The following CUL5 variants were observed in gnomAD, a reference collection of about 807,000 sequenced individuals.
CUL5 encodes the protein cullin-5.
In CUL5, 26 loss-of-function variants were observed where a neutral mutation model predicts 108.8. That is an observed-to-expected ratio of 0.24 (90% confidence interval 0.18 to 0.33). The LOEUF is 0.33. Ranked by LOEUF, CUL5 falls within the 10% of genes least tolerant of loss-of-function variation. The pLI is 1.00. For missense variants in CUL5, 524 were observed against 909.2 expected (o/e 0.58, Z 5.45); for synonymous variants, 334 against 298.0 (o/e 1.12, Z -1.25).
chr11:108,093,090 A>G (rs966609119), intron 13 of CUL5, among the ~76,000 whole-genome samples: 20 of 152,216 alleles, frequency 1.3e-4, no homozygotes, highest in African/African-American at 3.9e-4. Context: ...TGCTGGGATT[A>G]CAGGCATGAG....
Position 108,009,251 on chromosome 11 carries a change from G to T in CUL5, c.-98G>T. 7.3e-7 allele frequency: 1 copy of T among 1,366,908 alleles called. No individual in the cohort carries two copies. The highest frequency in any genetic ancestry group is 1.2e-5 in the South Asian group (1 of 83,386). The allele number at this position is 1,366,908 out of a possible 1,614,324, so 84.7% of individuals were successfully genotyped here. On this transcript the variant is annotated 5_prime_UTR_variant, in exon 1 of 19. Coordinates refer to ENST00000393094, the MANE Select transcript of CUL5 (RefSeq NM_003478.6). The stretch of plus-strand genomic sequence containing the variant: ...CACCACACCCTGGTGCGGGCCGACG[G>T]GCCCTGGGCCCTGGTGGGAGCTCCG...
chr11:108,054,481 T>C lies in CUL5; in HGVS notation c.554-166T>C, dbSNP rs187926088. ...GTTACTTTACTGCTTTATGCTGTTATCTTTATAAGTTTCTTATGGAGAAGG... is the reference window on the plus strand; with the variant it reads ...GTTACTTTACTGCTTTATGCTGTTACCTTTATAAGTTTCTTATGGAGAAGG... On this transcript the variant is annotated intron_variant, in intron 5 of 18. Transcript: ENST00000393094. Among the ~76,000 whole-genome samples the C allele has an allele frequency of 1.2e-4, 19 of 152,384 alleles. No individual in the cohort carries two copies. The East Asian group carries it at 3.5e-3, about 28-fold the overall frequency.
At chr11:108,016,978 G>A (rs1862208645) in intron 1 of CUL5, among the ~76,000 whole-genome samples, 1 of 152,070 alleles carries the variant, frequency 6.6e-6, no homozygotes, top group African/African-American at 2.4e-5. Context: ...ATAAAAATTA[G>A]AAAACATTGG....
chr11:108,009,017 G>A lies in CUL5; in HGVS notation c.-332G>A, dbSNP rs570379611. On this transcript the variant is annotated 5_prime_UTR_variant, in exon 1 of 19. Transcript: ENST00000393094. ...TGCAACCACAAAGGCTAATCCGAAG[G>A]AGTCGGGGAGGCTCGTGGAGTCGAT... 1.6e-4 allele frequency: 63 copies of A among 386,852 alleles called. No homozygotes were observed. The highest frequency in any genetic ancestry group is 1.1e-3 in the African/African-American group (54 of 48,052). The allele number at this position is 386,852 out of a possible 1,614,324, so 24.0% of individuals were successfully genotyped here.
intron 7 of CUL5, among the ~76,000 whole-genome samples, chr11:108,056,620 G>A (rs989823805): frequency 6.6e-6 from 1 of 152,126 alleles, no homozygotes; most frequent in Non-Finnish European, 1.5e-5. Flanking sequence ...CGGGAAGGCT[G>A]TTGACTTTTT....
Position 108,098,439 on chromosome 11 carries a change from C to A in CUL5, c.2058C>A (p.Ile686=), listed in dbSNP as rs2135245457. The change falls in exon 18 of 19, where the codon ATC becomes ATA. Residue 686 remains isoleucine, a synonymous_variant. Transcript: ENST00000393094. ...CAAAGGTTCAGAAAAGGGGTAAAAT[C>A]AACTTGATTGGACGTTTGCAGCTCA... ...KNAKVQKRGK[I]NLIGRLQLTT... The A allele has an allele frequency of 6.2e-7, 1 of 1,605,630 alleles. No individual in the cohort carries two copies. The highest frequency in any genetic ancestry group is 8.5e-7 in the Non-Finnish European group (1 of 1,176,496).
At position 108,078,204 on chromosome 11, in the gene CUL5, C is replaced by A; in HGVS notation, c.1142C>A (p.Thr381Asn). Residue 381 changes from threonine to asparagine, a missense_variant, in exon 11 of 19, where the codon ACC (threonine) becomes AAC (asparagine). Physicochemically the swap from Thr to Asn is moderately conservative, Grantham distance 65. Transcript: ENST00000393094. ...KAYKAVVNDA[T>N]IFKLELPLKQ... ...TATAAAGCAGTTGTTAATGATGCTA[C>A]CATATTTAAACTTGAATTACCTTTG... is the stretch of plus-strand genomic sequence containing the variant. 1 of 1,570,794 alleles carries A rather than the reference C, an allele frequency of 6.4e-7. No homozygotes were observed. The highest frequency in any genetic ancestry group is 8.7e-7 in the Non-Finnish European group (1 of 1,155,398).
chr11:108,078,093 T>C (rs1863985935), intron 10 of CUL5, 83 bp from the exon 11 acceptor site: 2 of 766,552 alleles, frequency 2.6e-6, no homozygotes, highest in Non-Finnish European at 4.1e-6. Flanking sequence ...AACTAACATA[T>C]TTTTATGTGT....
At chr11:108,030,352 C>T (rs932664285) in intron 1 of CUL5, among the ~76,000 whole-genome samples, 2 of 152,170 alleles carry the variant, frequency 1.3e-5, no homozygotes, top group Non-Finnish European at 2.9e-5. Context: ...GATAAGAATA[C>T]AGTGGCTGGG....
Position 108,075,926 on chromosome 11 carries a change from A to G in CUL5, c.1114-2250A>G, listed in dbSNP as rs142654572. ...GAAATAAAGATATCCACCATCTGAC[A>G]TAGTTACTCATTTTCTTGTTTTGTT... On this transcript the variant is annotated intron_variant, in intron 10 of 18. Coordinates refer to ENST00000393094, the MANE Select transcript of CUL5 (RefSeq NM_003478.6). 4.9e-4 allele frequency among the ~76,000 whole-genome samples: 74 copies of G among 152,288 alleles called. No homozygotes were observed. The East Asian group carries it at 0.014, about 28-fold the overall frequency.
At chr11:108,065,582 T>A (rs922593933) in intron 7 of CUL5, among the ~76,000 whole-genome samples, 3 of 152,148 alleles carry the variant, frequency 2.0e-5, no homozygotes, top group African/African-American at 7.2e-5. Flanking sequence ...GAAAGGGTGG[T>A]GGTGAGTTCA....
At position 108,094,525 on chromosome 11, in the gene CUL5, A is replaced by G. The variant is rs1654945630; in HGVS notation, c.1567+11A>G. 1 of 1,289,644 alleles carries G rather than the reference A, an allele frequency of 7.8e-7. No homozygotes were observed. Among genetic ancestry groups the G allele is most frequent in the Non-Finnish European group, 1.1e-6 (1 of 931,386 alleles). The allele number at this position is 1,289,644 out of a possible 1,614,324, so 79.9% of individuals were successfully genotyped here. A position where few individuals can be genotyped will look rare whatever the true frequency, so the allele number is the denominator to read the frequency against. On this transcript the variant is annotated intron_variant, in intron 14 of 18. Transcript: ENST00000393094. ...AATTGGCATTACCAGGTATTATTTT[A>G]TAATTACATGTATATATTTTTTAAA...
At chr11:108,087,637 A>AT (rs1256926805) in intron 11 of CUL5, among the ~76,000 whole-genome samples, 3 of 152,084 alleles carry the variant, frequency 2.0e-5, no homozygotes, top group East Asian at 3.8e-4. Context: ...TGTCTCAGTT[A>AT]TTTTTTAAAA....
intron 10 of CUL5, among the ~76,000 whole-genome samples, chr11:108,075,104 A>G (rs530856354): frequency 6.6e-6 from 1 of 152,332 alleles, no homozygotes; most frequent in African/African-American, 2.4e-5. Context: ...AAAGAATACC[A>G]GTTAAGAACT....
intron 1 of CUL5, among the ~76,000 whole-genome samples, chr11:108,012,428 T>C (rs1244792358): frequency 6.6e-6 from 1 of 151,954 alleles, no homozygotes; most frequent in Non-Finnish European, 1.5e-5. Flanking sequence ...CCTATGTTCT[T>C]CTCTGTTCCA....
At chr11:108,090,318 C>T (rs1864320155) in intron 13 of CUL5, among the ~76,000 whole-genome samples, 1 of 151,942 alleles carries the variant, frequency 6.6e-6, no homozygotes, top group Admixed American at 6.6e-5. Flanking sequence ...GAAACCCAGT[C>T]TCTATTAAAA....
rs146339779 is a variant in CUL5 at position 108,042,411 on chromosome 11, G to A, written c.135-3859G>A. ...TTTTTGTATTTTTTTTAGTAGAGAC[G>A]GGGTTTCACCATGTTGTCTAGGCTG... On this transcript the variant is annotated intron_variant, in intron 2 of 18. Transcript: ENST00000393094. 4.1e-3 allele frequency among the ~76,000 whole-genome samples: 619 copies of A among 151,794 alleles called. 4 individuals carry two copies. The highest frequency in any genetic ancestry group is 6.4e-3 in the Non-Finnish European group (433 of 67,932).
chr11:108,089,362 T>A, intron 12 of CUL5, 130 bp from the exon 13 acceptor site: 2 of 538,202 alleles, frequency 3.7e-6, no homozygotes, highest in Non-Finnish European at 6.2e-6. Flanking sequence ...GATGGATAAT[T>A]CAGTAGGCCT....
In CUL5 at chr11:108,027,779, C is replaced by G. The variant is rs548020131; in HGVS notation, c.25-6023C>G. ...TGTCCTTACTACTCTGCAAAAACTT[C>G]TGTGGACAAAGTTTCAGTAACTTCC... On this transcript the variant is annotated intron_variant, in intron 1 of 18. Transcript: ENST00000393094. 3.3e-5 allele frequency among the ~76,000 whole-genome samples: 5 copies of G among 152,306 alleles called. No homozygotes were observed. In the East Asian group the frequency reaches 9.6e-4, roughly 29 times the overall value.
Sources: allele counts gnomAD v4.1 joint callset (sites outside exome capture counted in the v4.1 genomes callset), GRCh38; gene constraint gnomAD v4.1.1; transcripts MANE v1.5; gene names NCBI Gene and HGNC (gene_info 2026-07-23, HGNC 2026-07-21).